The following NPAS3 variants were observed in gnomAD, a reference collection of about 807,000 sequenced individuals.
The protein encoded by NPAS3 is neuronal PAS domain protein 3.
A neutral mutation model predicts 73.1 loss-of-function variants in NPAS3; 14 were observed. The observed-to-expected ratio is 0.19, with a 90% CI of 0.13 to 0.30. The LOEUF is 0.30. NPAS3 is among the 10% of genes least tolerant of loss of function. NPAS3 has a pLI of 1.00. For synonymous variants in NPAS3, 620 were observed against 541.5 expected (o/e 1.14, Z -2.01); for missense variants, 1,096 against 1,250.0 (o/e 0.88, Z 1.86).
chr14:33,620,179 G>A (rs960347550), intron 5 of NPAS3, among the ~76,000 whole-genome samples: 3 of 152,136 alleles, frequency 2.0e-5, no homozygotes, highest in African/African-American at 7.2e-5. Context: ...GCGCACCGAC[G>A]AGAAGATGTC....
rs185898039 is a variant in NPAS3, at chr14:33,600,192, G to A, written c.558+39982G>A. The stretch of plus-strand genomic sequence containing the variant: ...TCGATGAAGAGTCATATTATCCACA[G>A]AATAACTAAATATTAAGTCTTTGAA... On this transcript the variant is annotated intron_variant, in intron 5 of 11. Transcript: ENST00000356141. Among the ~76,000 whole-genome samples, 133 of 152,282 alleles carry A rather than the reference G, an allele frequency of 8.7e-4. 1 individual carries two copies. The highest frequency in any genetic ancestry group is 3.0e-3 in the African/African-American group (124 of 41,556).
At chr14:33,485,782 T>C (rs2051557943) in intron 4 of NPAS3, among the ~76,000 whole-genome samples, 1 of 152,158 alleles carries the variant, frequency 6.6e-6, no homozygotes, top group East Asian at 1.9e-4. Context: ...ATCTCCTTGG[T>C]TTCTTCTCTC....
intron 4 of NPAS3, among the ~76,000 whole-genome samples, chr14:33,390,025 T>C (rs2046934176): frequency 7.4e-6 from 1 of 135,918 alleles, no homozygotes; most frequent in Non-Finnish European, 1.6e-5. Context: ...TCAGATGTCA[T>C]CTAGAATGAT....
At chr14:33,379,976 T>TTGTGTGTGTGTGTGTGTG (rs1397567494) in intron 4 of NPAS3, among the ~76,000 whole-genome samples, 2 of 54,226 alleles carry the variant, frequency 3.7e-5, no homozygotes, top group Non-Finnish European at 7.9e-5. Flanking sequence ...TAGTTATCCC[T>TTGTGTGTGTGTGTGTGTG]CGTGTGTGTG....
chr14:33,063,658 A>G (rs2041183560), intron 2 of NPAS3, among the ~76,000 whole-genome samples: 1 of 152,210 alleles, frequency 6.6e-6, no homozygotes, highest in Non-Finnish European at 1.5e-5. Flanking sequence ...AGTTGATAGT[A>G]GTGACAGAGA....
At chr14:33,344,881 A>G (rs7148955) in intron 3 of NPAS3, among the ~76,000 whole-genome samples, 7,965 of 152,260 alleles carry the variant, frequency 0.052, 594 homozygotes, top group East Asian at 0.21. Context: ...AGTCACAGGC[A>G]TCATGCTGTT....
chr14:33,228,077 A>G (rs562838902), intron 3 of NPAS3, among the ~76,000 whole-genome samples: 30 of 152,320 alleles, frequency 2.0e-4, no homozygotes, highest in African/African-American at 6.0e-4. Flanking sequence ...GGAGGCTTAT[A>G]TTCACATAGG....
chr14:33,320,923 C>G (rs193100360), intron 3 of NPAS3, among the ~76,000 whole-genome samples: 59 of 152,264 alleles, frequency 3.9e-4, no homozygotes, highest in African/African-American at 1.4e-3. Context: ...GAGTTCAAGA[C>G]AGGCTAGAAC....
intron 3 of NPAS3, among the ~76,000 whole-genome samples, chr14:33,263,950 C>T (rs1289074146): frequency 1.3e-5 from 2 of 152,150 alleles, no homozygotes; most frequent in Non-Finnish European, 2.9e-5. Context: ...ATAAATCATG[C>T]TGCTATAAGG....
chr14:33,167,712 A>G (rs1397425267), intron 2 of NPAS3, among the ~76,000 whole-genome samples: 9 of 152,226 alleles, frequency 5.9e-5, no homozygotes, highest in African/African-American at 1.9e-4. Flanking sequence ...GGAATTGGGC[A>G]AAACACAATT....
At position 33,735,219 on chromosome 14, in the gene NPAS3, T is replaced by C. The variant is rs1595524113; in HGVS notation, c.739T>C (p.Ser247Pro). The C allele has an allele frequency of 2.5e-6, 4 of 1,612,056 alleles. No homozygotes were observed. The East Asian group carries it at 8.9e-5, about 36-fold the overall frequency. The change falls in exon 7 of 12, where the codon TCA (serine) becomes CCA (proline). Residue 247 changes from serine (S) to proline (P), a missense_variant. By Grantham distance (74) the Ser-to-Pro change is moderately conservative. Coordinates refer to ENST00000356141, the Ensembl canonical transcript of NPAS3. ...TGTATTTTTGTATTCCTCAGTGGAG[T>C]CAACCAGCCCCAGTCTGCTAACCAC...
chr14:33,053,510 T>G (rs2040782229), intron 1 of NPAS3, among the ~76,000 whole-genome samples: 1 of 152,220 alleles, frequency 6.6e-6, no homozygotes, highest in Non-Finnish European at 1.5e-5. Context: ...TATAATAGTT[T>G]CACGATTGAA....
At chr14:33,765,031 AATCTT>A (rs1325056333) in intron 7 of NPAS3, among the ~76,000 whole-genome samples, 1 of 152,200 alleles carries the variant, frequency 6.6e-6, no homozygotes, top group African/African-American at 2.4e-5. Context: ...CCCAATAAAA[AATCTT>A]ATCTTTAGTA....
At chr14:33,782,284 C>T (rs1339516623) in intron 9 of NPAS3, among the ~76,000 whole-genome samples, 1 of 152,160 alleles carries the variant, frequency 6.6e-6, no homozygotes, top group Non-Finnish European at 1.5e-5. Context: ...GGGAGATGAT[C>T]ACTCACAGCT....
intron 5 of NPAS3, among the ~76,000 whole-genome samples, chr14:33,602,733 G>A (rs1182863834): frequency 6.6e-6 from 1 of 152,148 alleles, no homozygotes. Context: ...CTAAGTTACA[G>A]TGGACAAAAA....
At chr14:33,203,638 C>T (rs1374297020) in intron 2 of NPAS3, among the ~76,000 whole-genome samples, 3 of 152,182 alleles carry the variant, frequency 2.0e-5, no homozygotes, top group Non-Finnish European at 2.9e-5. Flanking sequence ...CATGTCCCTA[C>T]AAAGGACATG....
At chr14:32,960,221 CT>C (rs1240893449) in intron 1 of NPAS3, among the ~76,000 whole-genome samples, 1 of 151,768 alleles carries the variant, frequency 6.6e-6, no homozygotes, top group Non-Finnish European at 1.5e-5. Flanking sequence ...CTTAAATATT[CT>C]TTACATATTC....
intron 3 of NPAS3, among the ~76,000 whole-genome samples, chr14:33,233,204 G>T (rs939356387): frequency 6.6e-6 from 1 of 152,076 alleles, no homozygotes; most frequent in African/African-American, 2.4e-5. Flanking sequence ...GACCACAAAT[G>T]CTAAACAGTC....
At chr14:33,469,298 T>TA (rs564336534) in intron 4 of NPAS3, among the ~76,000 whole-genome samples, 19,695 of 142,264 alleles carry the variant, frequency 0.14, 2,268 homozygotes, top group African/African-American at 0.32. Flanking sequence ...AAGTTTTCTT[T>TA]AAAAAAAAAA....
Sources: gnomAD v4.1 joint callset for allele counts (sites outside exome capture counted in the v4.1 genomes callset) on GRCh38, gnomAD v4.1.1 for gene constraint, MANE v1.5 for transcripts, NCBI Gene and HGNC (gene_info 2026-07-23, HGNC 2026-07-21) for gene names.